The following SDK1 variants were observed in gnomAD, a reference collection of about 807,000 sequenced individuals.
SDK1 encodes protein sidekick-1.
A neutral mutation model predicts 245.5 loss-of-function variants in SDK1; 157 were observed. The ratio of observed to expected loss-of-function variants is 0.64; its 90% confidence interval spans 0.56 to 0.73. The LOEUF (loss-of-function observed/expected upper bound fraction) is 0.73, where lower values mean the gene tolerates loss of function less well. Among genes scored for constraint, SDK1 ranks in the 30% least tolerant of loss-of-function variants. The pLI is 0.00. For synonymous variants in SDK1, 1,647 were observed against 1,278.5 expected (o/e 1.29, Z -6.15); for missense variants, 3,583 against 3,002.3 (o/e 1.19, Z -4.52).
chr7:3,438,410 A>C (rs970972925), intron 1 of SDK1, among the ~76,000 whole-genome samples: 6 of 152,350 alleles, frequency 3.9e-5, no homozygotes, highest in African/African-American at 2.4e-5. Flanking sequence ...TCTAGATTCT[A>C]ACATTTACAT....
At chr7:3,405,511 C>T (rs867487549) in intron 1 of SDK1, among the ~76,000 whole-genome samples, 56 of 152,150 alleles carry the variant, frequency 3.7e-4, no homozygotes, top group African/African-American at 1.2e-3. Context: ...CTCTAGCTCC[C>T]CCAAAATCTC....
chr7:4,094,704 C>T (rs1782034015), intron 22 of SDK1, among the ~76,000 whole-genome samples: 1 of 152,164 alleles, frequency 6.6e-6, no homozygotes, highest in Non-Finnish European at 1.5e-5. Context: ...AAAGCCAAAC[C>T]ATTGACATCG....
chr7:4,048,501 T>A lies in SDK1; in HGVS notation c.2603-847T>A, dbSNP rs558376912. On this transcript the variant is annotated intron_variant, in intron 17 of 44. Coordinates refer to ENST00000404826, the MANE Select transcript of SDK1 (RefSeq NM_152744.4). The stretch of plus-strand genomic sequence containing the variant: ...CTTCCCCCCACCCCTCGTCCAGCCG[T>A]GCTCCGTGTGCACCCATCCTCGCCA... Among the ~76,000 whole-genome samples the A allele has an allele frequency of 4.7e-5, 7 of 148,398 alleles. No individual in the cohort carries two copies. In the East Asian group the frequency reaches 1.5e-3, roughly 32 times the overall value.
intron 1 of SDK1, among the ~76,000 whole-genome samples, chr7:3,513,977 G>A (rs944155859): frequency 1.7e-4 from 26 of 152,158 alleles, no homozygotes; most frequent in African/African-American, 4.8e-4. Context: ...TCTCTTTTAT[G>A]GCTGTGTAAT....
intron 1 of SDK1, among the ~76,000 whole-genome samples, chr7:3,383,839 G>A (rs949183352): frequency 5.3e-5 from 8 of 152,120 alleles, no homozygotes; most frequent in African/African-American, 1.4e-4. Context: ...TCATCCAAAG[G>A]ACAACAGTAA....
At chr7:3,332,627 G>A (rs1424525481) in intron 1 of SDK1, among the ~76,000 whole-genome samples, 1 of 151,904 alleles carries the variant, frequency 6.6e-6, no homozygotes, top group African/African-American at 2.4e-5. Flanking sequence ...CTGTTTCTAG[G>A]CCCTAGAAAG....
At chr7:3,537,763 G>A (rs906422146) in intron 1 of SDK1, among the ~76,000 whole-genome samples, 4 of 152,192 alleles carry the variant, frequency 2.6e-5, no homozygotes, top group East Asian at 1.9e-4. Flanking sequence ...TTCCCCTTGA[G>A]CTGGTCAGGT....
intron 1 of SDK1, among the ~76,000 whole-genome samples, chr7:3,451,390 G>C (rs998730889): frequency 6.6e-6 from 1 of 152,106 alleles, no homozygotes; most frequent in Non-Finnish European, 1.5e-5. Context: ...GCGAATAGCT[G>C]CGTTTTTGTT....
intron 4 of SDK1, among the ~76,000 whole-genome samples, chr7:3,695,738 T>C (rs1414380001): frequency 1.3e-5 from 2 of 152,154 alleles, no homozygotes; most frequent in Admixed American, 6.5e-5. Flanking sequence ...CATGCACTTA[T>C]TATTCCGGTG....
At chr7:3,564,503 A>C (rs985089397) in intron 1 of SDK1, among the ~76,000 whole-genome samples, 3 of 152,162 alleles carry the variant, frequency 2.0e-5, no homozygotes, top group African/African-American at 7.2e-5. Flanking sequence ...ATTTATTTTA[A>C]TAAAAAATAC....
At chr7:3,587,304 TG>T (rs1283454580) in intron 1 of SDK1, among the ~76,000 whole-genome samples, 48 of 52,356 alleles carry the variant, frequency 9.2e-4, no homozygotes, top group African/African-American at 4.1e-3. Flanking sequence ...ACAGAACGTG[TG>T]TGTGTGTGTG....
intron 1 of SDK1, among the ~76,000 whole-genome samples, chr7:3,443,372 T>C (rs561670221): frequency 2.0e-5 from 3 of 152,318 alleles, no homozygotes; most frequent in Admixed American, 6.5e-5. Flanking sequence ...ATGTCAAATA[T>C]ATTAAAATTT....
At chr7:3,515,400 A>G (rs557456628) in intron 1 of SDK1, among the ~76,000 whole-genome samples, 1 of 152,346 alleles carries the variant, frequency 6.6e-6, no homozygotes, top group South Asian at 2.1e-4. Context: ...GCACAGGTCC[A>G]TGTGATAGGC....
rs10630472 is a variant in SDK1 at position 3,974,183 on chromosome 7, C to CAAA, written c.1818-171_1818-169dup. Among the ~76,000 whole-genome samples the CAAA allele has an allele frequency of 9.4e-3, 982 of 104,242 alleles. 21 individuals are homozygous for CAAA. The highest frequency in any genetic ancestry group is 0.029 in the African/African-American group (822 of 28,542). The allele number at this position is 104,242 out of a possible 152,430, so 68.4% of individuals were successfully genotyped here. On this transcript the variant is annotated intron_variant, in intron 12 of 44. Coordinates refer to ENST00000404826, the MANE Select transcript of SDK1 (RefSeq NM_152744.4). The stretch of plus-strand genomic sequence containing the variant: ...TGGGCCACACAGCAAGACTCTGTCT[C>CAAA]AAAAAAAAAAAAAAAAAGAAAGAAA...
intron 4 of SDK1, among the ~76,000 whole-genome samples, chr7:3,648,032 C>G (rs1256920644): frequency 6.6e-6 from 1 of 151,990 alleles, no homozygotes; most frequent in East Asian, 1.9e-4. Flanking sequence ...GTTGAAAACC[C>G]CATACATTTA....
At chr7:3,326,054 A>G (rs1370445226) in intron 1 of SDK1, among the ~76,000 whole-genome samples, 1 of 152,152 alleles carries the variant, frequency 6.6e-6, no homozygotes, top group Non-Finnish European at 1.5e-5. Flanking sequence ...TAGTGAAGCT[A>G]TTGTACAATA....
chr7:3,353,297 C>A (rs1213179729), intron 1 of SDK1, among the ~76,000 whole-genome samples: 2 of 152,040 alleles, frequency 1.3e-5, no homozygotes, highest in Non-Finnish European at 2.9e-5. Context: ...TGATGAGTAT[C>A]TTTCATCTTG....
intron 4 of SDK1, among the ~76,000 whole-genome samples, chr7:3,807,628 G>C (rs1779284437): frequency 6.6e-6 from 1 of 152,110 alleles, no homozygotes; most frequent in Non-Finnish European, 1.5e-5. Flanking sequence ...GTGCAGAACT[G>C]TTAACCTCAC....
chr7:4,268,769 G>A lies in SDK1; in HGVS notation c.*3385G>A, dbSNP rs145663031. 3.6e-4 allele frequency: 495 copies of A among 1,366,442 alleles called. No homozygotes were observed. The African/African-American group carries it at 6.6e-3, about 18-fold the overall frequency. The allele number at this position is 1,366,442 out of a possible 1,614,324, so 84.6% of individuals were successfully genotyped here. A position where few individuals can be genotyped will look rare whatever the true frequency, so the allele number is the denominator to read the frequency against. Reference sequence around the variant, plus strand: ...CTGGTAGCATGGATCCAGTCTGAAAGGTGAGGACAACGTGGAAACTCATGA... The same window carrying A: ...CTGGTAGCATGGATCCAGTCTGAAAAGTGAGGACAACGTGGAAACTCATGA... On this transcript the variant is annotated 3_prime_UTR_variant, in exon 45 of 45. Coordinates refer to ENST00000404826, the MANE Select transcript of SDK1 (RefSeq NM_152744.4).
Sources: gnomAD v4.1 joint callset for allele counts (sites outside exome capture counted in the v4.1 genomes callset) on GRCh38, gnomAD v4.1.1 for gene constraint, MANE v1.5 for transcripts, NCBI Gene and HGNC (gene_info 2026-07-23, HGNC 2026-07-21) for gene names.